Variants in CRISP1 observed in about 807,000 individuals in gnomAD.
CRISP1 encodes the protein cysteine-rich secretory protein 1.
In CRISP1, 44 loss-of-function variants were observed where a neutral mutation model predicts 33.1. That is an observed-to-expected ratio of 1.33 (90% CI 1.05 to 1.71). The LOEUF (loss-of-function observed/expected upper bound fraction) is 1.71, where lower values mean the gene tolerates loss of function less well. Among genes scored for constraint, CRISP1 ranks in the 40% most tolerant of loss-of-function variants. The pLI is 0.00. For missense variants in CRISP1, 390 were observed against 301.2 expected (o/e 1.29, Z -2.18); for synonymous variants, 103 against 98.7 (o/e 1.04, Z -0.26).
intron 3 of CRISP1, among the ~76,000 whole-genome samples, chr6:49,850,197 T>C (rs1771308056): frequency 6.6e-6 from 1 of 151,770 alleles, no homozygotes; most frequent in African/African-American, 2.4e-5. Flanking sequence ...TGTATACATA[T>C]GTAACTAACC....
chr6:49,850,593 T>C (rs1771317457), intron 3 of CRISP1, among the ~76,000 whole-genome samples: 1 of 152,126 alleles, frequency 6.6e-6, no homozygotes, highest in African/African-American at 2.4e-5. Context: ...CCTATACATG[T>C]CCTATGCATT....
chr6:49,857,487 G>C, intron 1 of CRISP1, 85 bp from the exon 2 acceptor site: 1 of 1,300,974 alleles, frequency 7.7e-7, no homozygotes, highest in Non-Finnish European at 1.1e-6. Context: ...ACTTTTACAT[G>C]TGTTTGCATT....
upstream of CRISP1, among the ~76,000 whole-genome samples, chr6:49,869,534 T>C (rs1218074260): frequency 6.6e-6 from 1 of 152,180 alleles, no homozygotes; most frequent in East Asian, 1.9e-4. Context: ...ATCCTGGAAG[T>C]TGCCATCATA....
intron 1 of CRISP1, among the ~76,000 whole-genome samples, chr6:49,859,112 T>C (rs1481039948): frequency 1.3e-5 from 2 of 152,098 alleles, no homozygotes; most frequent in East Asian, 3.9e-4. Context: ...TTCTAGACTC[T>C]CACAGACCCC....
rs371529539 is a variant in CRISP1, at chr6:49,865,043, G to GA, written c.-3+1385dup. On this transcript the variant is annotated intron_variant, in intron 1 of 7. Coordinates refer to ENST00000335847, the MANE Select transcript of CRISP1 (RefSeq NM_001131.3). ...TCTTCTATAAGATAGATTTAACATT[G>GA]AAAAAATATTGGAGAACAAAGCTGT... is the stretch of plus-strand genomic sequence containing the variant. Among the ~76,000 whole-genome samples, 12 of 152,132 alleles carry GA rather than the reference G, an allele frequency of 7.9e-5. 1 individual carries two copies. Among genetic ancestry groups the GA allele is most frequent in the African/African-American group, 2.9e-4 (12 of 41,540 alleles).
chr6:49,847,892 A>G (rs530513765), intron 4 of CRISP1, among the ~76,000 whole-genome samples: 1 of 152,232 alleles, frequency 6.6e-6, no homozygotes, highest in African/African-American at 2.4e-5. Flanking sequence ...TAGTAACTCC[A>G]CAGAATGGAG....
At chr6:49,866,583 C>T (rs571354285), upstream of CRISP1, 1 of 152,166 alleles carries the variant, frequency 6.6e-6, no homozygotes, top group South Asian at 2.1e-4. Context: ...AAGGGATTTA[C>T]GGTGGACACC....
intron 1 of CRISP1, among the ~76,000 whole-genome samples, chr6:49,862,218 C>T (rs570639552): frequency 4.6e-5 from 7 of 152,066 alleles, no homozygotes; most frequent in African/African-American, 1.7e-4. Flanking sequence ...GATATAAAAT[C>T]AACATGCAAA....
In CRISP1 at chr6:49,846,525, TGTAGTGGTCA is replaced by T; in HGVS notation, c.420_429del (p.Asp141LeufsTer10). The T allele has an allele frequency of 6.2e-7, 1 of 1,612,842 alleles. No homozygotes were observed. The highest frequency in any genetic ancestry group is 8.5e-7 in the Non-Finnish European group (1 of 1,179,322). On this transcript the variant is annotated frameshift_variant, in exon 5 of 8. Coordinates refer to ENST00000335847, the MANE Select transcript of CRISP1 (RefSeq NM_001131.3). LOFTEE classifies it high-confidence loss of function. ...TTTGCCAGCACACAGGTTACCTGAG[TGTAGTGGTCA>T]GTAGTTATGTCATCATCCGTTGTTG...
Position 49,834,698 on chromosome 6 carries a change from A to C in CRISP1, c.*618T>G, listed in dbSNP as rs1367276613. 1 of 152,224 alleles carries C rather than the reference A, an allele frequency of 6.6e-6. No individual in the cohort carries two copies. The highest frequency in any genetic ancestry group is 1.5e-5 in the Non-Finnish European group (1 of 68,034). The allele number at this position is 152,224 out of a possible 1,614,324, so 9.4% of individuals were successfully genotyped here. On this transcript the variant is annotated 3_prime_UTR_variant, in exon 8 of 8. Coordinates refer to ENST00000335847, the MANE Select transcript of CRISP1 (RefSeq NM_001131.3). ...ATATATAAACATGCATCTTGTATGCAATCAGTACTGAATACATATTTTGTT... is the reference window on the plus strand; with the variant it reads ...ATATATAAACATGCATCTTGTATGCCATCAGTACTGAATACATATTTTGTT...
intron 1 of CRISP1, among the ~76,000 whole-genome samples, chr6:49,860,931 A>G (rs1235944926): frequency 3.3e-5 from 5 of 152,108 alleles, no homozygotes; most frequent in African/African-American, 1.2e-4. Context: ...AATTGTCACT[A>G]GAGAAATACA....
intron 1 of CRISP1, among the ~76,000 whole-genome samples, chr6:49,861,986 C>T (rs1771665992): frequency 6.6e-6 from 1 of 152,050 alleles, no homozygotes; most frequent in Admixed American, 6.6e-5. Flanking sequence ...TCTCTAAGGC[C>T]TATAACAAGA....
chr6:49,846,703 A>G (rs1188356869), intron 4 of CRISP1, 35 bp from the exon 5 acceptor site: 1 of 1,598,252 alleles, frequency 6.3e-7, no homozygotes, highest in Admixed American at 1.7e-5. Flanking sequence ...CATACTCTGA[A>G]CAAATGGGAA....
At chr6:49,856,249 C>G (rs1771494572) in intron 2 of CRISP1, among the ~76,000 whole-genome samples, 1 of 152,122 alleles carries the variant, frequency 6.6e-6, no homozygotes, top group South Asian at 2.1e-4. Flanking sequence ...TCTAAACAGC[C>G]TAGTACTAGG....
At chr6:49,869,749 T>G (rs1021921324), upstream of CRISP1, among the ~76,000 whole-genome samples, 1 of 152,224 alleles carries the variant, frequency 6.6e-6, no homozygotes, top group Non-Finnish European at 1.5e-5. Context: ...TACTATGGTC[T>G]AAATGTTGGT....
At chr6:49,847,060 C>A (rs1205929370) in intron 4 of CRISP1, among the ~76,000 whole-genome samples, 3 of 152,058 alleles carry the variant, frequency 2.0e-5, no homozygotes, top group Non-Finnish European at 1.5e-5. Flanking sequence ...GTTTATTTAG[C>A]CATTCATGTA....
chr6:49,847,694 G>T (rs990184783), intron 4 of CRISP1, among the ~76,000 whole-genome samples: 1 of 151,482 alleles, frequency 6.6e-6, no homozygotes, highest in Admixed American at 6.6e-5. Flanking sequence ...AAGCAATAAT[G>T]TTTTTTTTTA....
At chr6:49,837,416 C>T (rs998538546) in intron 7 of CRISP1, among the ~76,000 whole-genome samples, 3 of 151,778 alleles carry the variant, frequency 2.0e-5, no homozygotes, top group Non-Finnish European at 2.9e-5. Context: ...ATCCCTTCTC[C>T]TGCTAAGGCA....
intron 3 of CRISP1, among the ~76,000 whole-genome samples, chr6:49,850,073 G>A (rs112832491): frequency 0.035 from 4,670 of 133,562 alleles, 270 homozygotes; most frequent in African/African-American, 0.12. Flanking sequence ...ACAGGAAGGG[G>A]AACATCACAC....
Sources: allele counts gnomAD v4.1 joint callset (sites outside exome capture counted in the v4.1 genomes callset), GRCh38; gene constraint gnomAD v4.1.1; transcripts MANE v1.5; gene names NCBI Gene and HGNC (gene_info 2026-07-23, HGNC 2026-07-21).